The following TNFRSF19 variants were observed in gnomAD, a reference collection of about 807,000 sequenced individuals.
The protein encoded by TNFRSF19 is TNF receptor superfamily member 19, also known as tumor necrosis factor receptor superfamily member 19.
A neutral mutation model predicts 46.4 loss-of-function variants in TNFRSF19; 27 were observed. The observed-to-expected ratio is 0.58, with a 90% CI of 0.43 to 0.80. The LOEUF (loss-of-function observed/expected upper bound fraction) is 0.80, where lower values mean the gene tolerates loss of function less well. TNFRSF19 is among the 30% of genes least tolerant of loss of function. TNFRSF19 has a pLI of 0.00. For synonymous variants in TNFRSF19, 204 were observed against 205.0 expected (o/e 1.00, Z 0.04); for missense variants, 511 against 530.8 (o/e 0.96, Z 0.37).
At chr13:23,595,275 A>G (rs111856265) in intron 3 of TNFRSF19, among the ~76,000 whole-genome samples, 1,526 of 152,340 alleles carry the variant, frequency 0.01, 30 homozygotes, top group African/African-American at 0.035. Context: ...AATTGACAGA[A>G]GTAGGCTTCA....
At chr13:23,596,234 A>C (rs1373614621) in intron 3 of TNFRSF19, among the ~76,000 whole-genome samples, 1 of 152,238 alleles carries the variant, frequency 6.6e-6, no homozygotes, top group East Asian at 1.9e-4. Context: ...TCATAATGAC[A>C]GGATCAAATT....
At chr13:23,656,021 A>G (rs944495542) in intron 5 of TNFRSF19, among the ~76,000 whole-genome samples, 13 of 152,206 alleles carry the variant, frequency 8.5e-5, no homozygotes, top group African/African-American at 3.1e-4. Flanking sequence ...ATACATATAA[A>G]CAAGAATCAA....
intron 5 of TNFRSF19, among the ~76,000 whole-genome samples, chr13:23,648,225 A>T (rs946352159): frequency 1.3e-5 from 2 of 152,172 alleles, no homozygotes; most frequent in African/African-American, 4.8e-5. Context: ...ATGGACATGG[A>T]AGGTGCTTCC....
chr13:23,633,871 T>TA (rs1486055799), intron 5 of TNFRSF19, among the ~76,000 whole-genome samples: 1 of 151,866 alleles, frequency 6.6e-6, no homozygotes, highest in African/African-American at 2.4e-5. Flanking sequence ...TAAAATAAAA[T>TA]AAAAAATAAA....
At chr13:23,589,226 G>C (rs1464726818) in intron 1 of TNFRSF19, among the ~76,000 whole-genome samples, 1 of 152,120 alleles carries the variant, frequency 6.6e-6, no homozygotes, top group Non-Finnish European at 1.5e-5. Context: ...CTCTTCTCTG[G>C]ACATGTGTGG....
chr13:23,578,337 G>T (rs1054780748), intron 1 of TNFRSF19, among the ~76,000 whole-genome samples: 3 of 152,146 alleles, frequency 2.0e-5, no homozygotes, highest in Admixed American at 2.0e-4. Flanking sequence ...GGATGTGTTA[G>T]ATTTGAAATA....
intron 5 of TNFRSF19, among the ~76,000 whole-genome samples, chr13:23,629,086 C>CTTT (rs11389906): frequency 2.8e-5 from 4 of 142,522 alleles, no homozygotes; most frequent in South Asian, 2.2e-4. Flanking sequence ...CCACTTTGGG[C>CTTT]TTTTTTTTTT....
At chr13:23,635,592 T>A (rs1882629297) in intron 5 of TNFRSF19, among the ~76,000 whole-genome samples, 1 of 152,118 alleles carries the variant, frequency 6.6e-6, no homozygotes, top group Admixed American at 6.5e-5. Flanking sequence ...TTGGCCACGC[T>A]GGTCTTGAAA....
intron 5 of TNFRSF19, among the ~76,000 whole-genome samples, chr13:23,630,113 G>A (rs1320399555): frequency 6.6e-6 from 1 of 151,962 alleles, no homozygotes; most frequent in Non-Finnish European, 1.5e-5. Context: ...AGACCAGCCT[G>A]GGCAACATAG....
Position 23,668,729 on chromosome 13 carries a change from T to C in TNFRSF19, c.877T>C (p.Phe293Leu). The C allele has an allele frequency of 6.2e-7, 1 of 1,614,138 alleles. No individual in the cohort carries two copies. Among genetic ancestry groups the C allele is most frequent in the Non-Finnish European group, 8.5e-7 (1 of 1,179,970 alleles). ...AGCCGGGGAGATGGTGCCGACTTTC[T>C]TCGGATCCCTCACGCAGTCCATCTG... ...GPAGEMVPTF[F>L]GSLTQSICGE... is the part of the protein sequence containing the mutation. The change falls in exon 9 of 10, where the codon TTC becomes CTC. Residue 293 changes from phenylalanine (F) to leucine (L), a missense_variant. Physicochemically the swap from Phe to Leu is conservative, Grantham distance 22 (BLOSUM62 0). This residue lies in a region of TNFRSF19 where 376 missense variants were observed against 372.7 expected (regional missense o/e 1.01). Transcript: ENST00000248484.
rs1483916923 is a variant in TNFRSF19, at chr13:23,570,747, T to G, written c.-136T>G. On this transcript the variant is annotated 5_prime_UTR_variant, in exon 1 of 10. Coordinates refer to ENST00000248484, the MANE Select transcript of TNFRSF19 (RefSeq NM_148957.4). ...ATCTGCATGGTTAATTTTATTTTCCTGGATTTGAAGTTTCGTCTGGGCTTG... is the reference window on the plus strand; with the variant it reads ...ATCTGCATGGTTAATTTTATTTTCCGGGATTTGAAGTTTCGTCTGGGCTTG... 1 of 152,240 alleles carries G rather than the reference T, an allele frequency of 6.6e-6. No individual in the cohort carries two copies. The highest frequency in any genetic ancestry group is 1.5e-5 in the Non-Finnish European group (1 of 68,048). The allele number at this position is 152,240 out of a possible 1,614,324, so 9.4% of individuals were successfully genotyped here.
chr13:23,665,564 G>A (rs1016294923), intron 7 of TNFRSF19, among the ~76,000 whole-genome samples: 2 of 93,178 alleles, frequency 2.1e-5, no homozygotes, highest in Admixed American at 1.3e-4. Flanking sequence ...GTCCTTTACC[G>A]AGATTCCCCA....
intron 3 of TNFRSF19, among the ~76,000 whole-genome samples, chr13:23,595,534 A>T (rs977130143): frequency 6.6e-6 from 1 of 152,218 alleles, no homozygotes; most frequent in Admixed American, 6.5e-5. Flanking sequence ...ACTTAATGAA[A>T]TAAAGCGTGA....
intron 3 of TNFRSF19, among the ~76,000 whole-genome samples, chr13:23,610,281 G>A (rs1351505673): frequency 6.6e-6 from 1 of 152,200 alleles, no homozygotes; most frequent in Non-Finnish European, 1.5e-5. Context: ...ACCCGCTTAT[G>A]TTTTTGTTAA....
In TNFRSF19 at chr13:23,626,775, C is replaced by G; in HGVS notation, c.428C>G (p.Pro143Arg). The G allele has an allele frequency of 6.2e-7, 1 of 1,614,156 alleles. No homozygotes were observed. Among genetic ancestry groups the G allele is most frequent in the Non-Finnish European group, 8.5e-7 (1 of 1,180,012 alleles). Reference protein sequence around the residue: ...MECVPCGDPPPPYEPHCASKV... With the variant: ...MECVPCGDPPRPYEPHCASKV... ...TGTGTGCCTTGTGGAGACCCTCCTC[C>G]TCCTTACGAACCGCACTGTGAGTGA... The change falls in exon 5 of 10, where the codon CCT becomes CGT. Residue 143 changes from proline to arginine, a missense_variant. By Grantham distance (103) the Pro-to-Arg change is moderately radical. Transcript: ENST00000248484.
At chr13:23,623,660 T>A in intron 4 of TNFRSF19, among the ~76,000 whole-genome samples, 1 of 152,208 alleles carries the variant, frequency 6.6e-6, no homozygotes, top group East Asian at 1.9e-4. Flanking sequence ...GCCATCCTTA[T>A]GGGTGTGAGG....
At position 23,668,029 on chromosome 13, in the gene TNFRSF19, C is replaced by T. The variant is rs1001787452; in HGVS notation, c.786C>T (p.Pro262=). The T allele has an allele frequency of 6.2e-7, 1 of 1,610,292 alleles. No individual in the cohort carries two copies. Among genetic ancestry groups the T allele is most frequent in the Non-Finnish European group, 8.5e-7 (1 of 1,178,584 alleles). Residue 262 remains proline (P), a synonymous_variant, in exon 8 of 10, where the codon CCC becomes CCT. Transcript: ENST00000248484. The part of the protein sequence containing the change: ...PSMCCEEACS[P]NPATLGCGVH... ...TGTGCTGTGAGGAGGCCTGCAGCCC[C>T]AACCCGGCGACTCTTGGTTGTGGGG... is the stretch of plus-strand genomic sequence containing the variant.
intron 1 of TNFRSF19, among the ~76,000 whole-genome samples, chr13:23,579,075 C>G (rs78151376): frequency 0.08 from 12,232 of 152,298 alleles, 704 homozygotes; most frequent in Non-Finnish European, 0.12. Flanking sequence ...GGAACCCTCC[C>G]TCTCTGCTCT....
At chr13:23,615,161 G>A (rs1272160641) in intron 3 of TNFRSF19, among the ~76,000 whole-genome samples, 3 of 152,146 alleles carry the variant, frequency 2.0e-5, no homozygotes, top group African/African-American at 7.2e-5. Flanking sequence ...ATATGCTATA[G>A]TTTACTGAGT....
Sources: allele counts gnomAD v4.1 joint callset (sites outside exome capture counted in the v4.1 genomes callset), GRCh38; gene constraint gnomAD v4.1.1; regional missense constraint gnomAD v4.1.1; transcripts MANE v1.5; gene names NCBI Gene and HGNC (gene_info 2026-07-23, HGNC 2026-07-21).